AOX1: variants seen among roughly 807,000 people sequenced by gnomAD.
The protein encoded by AOX1 is aldehyde oxidase.
A neutral mutation model predicts 169.5 loss-of-function variants in AOX1; 153 were observed. The observed-to-expected ratio is 0.90, with a 90% confidence interval of 0.79 to 1.03. The LOEUF is 1.03. AOX1 is among the 50% of genes least tolerant of loss of function. The probability of loss-of-function intolerance (pLI) is 0.00; values close to 1 mark genes in which losing one functional copy is unlikely to be tolerated. For synonymous variants in AOX1, 562 were observed against 581.9 expected (o/e 0.97, Z 0.49); for missense variants, 1,656 against 1,663.9 (o/e 1.00, Z 0.08).
chr2:200,666,774 C>A (rs754643928), intron 32 of AOX1, 22 bp downstream of exon 32: 2 of 1,590,808 alleles, frequency 1.3e-6, no homozygotes, highest in South Asian at 1.1e-5. Flanking sequence ...TGATGTGTCT[C>A]ACTTTCTATT....
At chr2:200,624,754 A>G (rs1255659633) in intron 19 of AOX1, among the ~76,000 whole-genome samples, 2 of 152,250 alleles carry the variant, frequency 1.3e-5, no homozygotes, top group African/African-American at 2.4e-5. Context: ...ACTCATCTCC[A>G]TGAAATGATA....
In AOX1 at chr2:200,632,294, CACACATACATAT is replaced by C; in HGVS notation, c.2222-2483_2222-2472del. Among the ~76,000 whole-genome samples the C allele has an allele frequency of 1.4e-5, 2 of 147,254 alleles. 1 individual carries two copies. The highest frequency in any genetic ancestry group is 3.0e-5 in the Non-Finnish European group (2 of 67,192). On this transcript the variant is annotated intron_variant, in intron 20 of 34. Coordinates refer to ENST00000374700, the MANE Select transcript of AOX1 (RefSeq NM_001159.4). ...TTTAGTGGTAGCTCTAGATAGTTTA[CACACATACATAT>C]ACACATACATATATAAAATAAAATT...
At chr2:200,668,256 C>A (rs2035959624) in intron 32 of AOX1, among the ~76,000 whole-genome samples, 1 of 152,026 alleles carries the variant, frequency 6.6e-6, no homozygotes, top group Non-Finnish European at 1.5e-5. Context: ...TAGGCATGCA[C>A]CATCACACCC....
chr2:200,664,615 A>G (rs1002740040), intron 31 of AOX1, among the ~76,000 whole-genome samples: 2 of 152,244 alleles, frequency 1.3e-5, no homozygotes, highest in Admixed American at 6.5e-5. Flanking sequence ...GGGATGTGTC[A>G]TATAGCCTCA....
chr2:200,642,557 A>G lies in AOX1; in HGVS notation c.2656-53A>G, dbSNP rs1172007917. ...CCTGGTTTTGGTCTGAGGTCGTAGG[A>G]TGGTGAAACAGGTTCAGAAGATCTT... On this transcript the variant is annotated intron_variant, in intron 24 of 34. Coordinates refer to ENST00000374700, the MANE Select transcript of AOX1 (RefSeq NM_001159.4). The G allele has an allele frequency of 5.1e-6, 8 of 1,557,472 alleles. No homozygotes were observed. In the East Asian group the frequency reaches 1.8e-4, roughly 35 times the overall value.
chr2:200,652,194 T>A (rs2035592834), intron 26 of AOX1, among the ~76,000 whole-genome samples: 1 of 152,170 alleles, frequency 6.6e-6, no homozygotes, highest in African/African-American at 2.4e-5. Flanking sequence ...CCCATATCCA[T>A]CCATTCACCT....
intron 2 of AOX1, among the ~76,000 whole-genome samples, 179 bp downstream of exon 2, chr2:200,593,382 C>T (rs540765837): frequency 3.3e-5 from 5 of 152,134 alleles, no homozygotes; most frequent in East Asian, 3.9e-4. Context: ...CAAATGTGGC[C>T]GTCAGAAGAA....
At chr2:200,624,247 A>G (rs2034954420) in intron 19 of AOX1, among the ~76,000 whole-genome samples, 2 of 152,204 alleles carry the variant, frequency 1.3e-5, no homozygotes, top group Non-Finnish European at 1.5e-5. Context: ...TTCCTTGTTC[A>G]TGTTCAAGGA....
chr2:200,616,106 A>G, intron 16 of AOX1, 43 bp downstream of exon 16: 2 of 1,430,070 alleles, frequency 1.4e-6, no homozygotes, highest in Non-Finnish European at 2.0e-6. Flanking sequence ...AATCTGGGCT[A>G]TAGTGATTTG....
At chr2:200,593,292 A>G in intron 2 of AOX1, 89 bp downstream of exon 2, 1 of 1,041,864 alleles carries the variant, frequency 9.6e-7, no homozygotes, top group Non-Finnish European at 1.5e-6. Flanking sequence ...AATATACATT[A>G]GAGACACTGA....
intron 22 of AOX1, 93 bp from the exon 23 acceptor site, chr2:200,638,122 G>T (rs935307934): frequency 9.2e-7 from 1 of 1,086,106 alleles, no homozygotes; most frequent in African/African-American, 1.5e-5. Context: ...AGGCGTGTAG[G>T]CTCCACTCAG....
chr2:200,618,158 C>T (rs1435399407), intron 16 of AOX1, among the ~76,000 whole-genome samples: 3 of 152,086 alleles, frequency 2.0e-5, no homozygotes, highest in African/African-American at 7.2e-5. Context: ...GAGCCCTGGG[C>T]CAAGGTCTAA....
At position 200,668,697 on chromosome 2, in the gene AOX1, G is replaced by C. The variant is rs373230627; in HGVS notation, c.3692G>C (p.Arg1231Pro). ...NYSPQGILHT[R>P]GPDQYKIPAI... ...TCTCCCCAGGGCATTCTGCACACTCGTGGTCCAGACCAATATAAAATCCCT... is the reference window on the plus strand; with the variant it reads ...TCTCCCCAGGGCATTCTGCACACTCCTGGTCCAGACCAATATAAAATCCCT... Residue 1231 changes from arginine (R) to proline (P), a missense_variant, in exon 33 of 35, where the codon CGT (arginine) becomes CCT (proline). Arg to Pro is a moderately radical substitution (Grantham distance 103, BLOSUM62 -2). Transcript: ENST00000374700. 1 of 1,614,102 alleles carries C rather than the reference G, an allele frequency of 6.2e-7. No homozygotes were observed. The highest frequency in any genetic ancestry group is 1.7e-5 in the Admixed American group (1 of 60,012).
At chr2:200,639,156 T>G (rs186488664) in intron 23 of AOX1, among the ~76,000 whole-genome samples, 7 of 152,372 alleles carry the variant, frequency 4.6e-5, no homozygotes, top group Admixed American at 1.3e-4. Flanking sequence ...TCTGCCATAT[T>G]GGACAGTGCA....
At chr2:200,651,272 A>G (rs1213009773) in intron 26 of AOX1, 71 bp downstream of exon 26, 5 of 1,357,526 alleles carry the variant, frequency 3.7e-6, no homozygotes, top group Non-Finnish European at 5.2e-6. Context: ...TGTTGAGGAA[A>G]CTTCTCCTTA....
chr2:200,642,663 C>CT lies in AOX1; in HGVS notation c.2709_2710insT (p.Arg904SerfsTer45), dbSNP rs1029293197. ...ACAATGCTTACAAGTTTCCCAATCTCCGCTGCCGGGGTTGGGCATGCAGAA... is the reference window on the plus strand; with the variant it reads ...ACAATGCTTACAAGTTTCCCAATCTCTCGCTGCCGGGGTTGGGCATGCAGAA... On this transcript the variant is annotated frameshift_variant, in exon 25 of 35. Coordinates refer to ENST00000374700, the MANE Select transcript of AOX1 (RefSeq NM_001159.4). LOFTEE classifies it high-confidence loss of function. 6.2e-7 allele frequency: 1 copy of CT among 1,614,050 alleles called. No homozygotes were observed. Among genetic ancestry groups the CT allele is most frequent in the African/African-American group, 1.3e-5 (1 of 74,946 alleles).
At chr2:200,675,013 GCAGC>G (rs2036076973), downstream of AOX1, among the ~76,000 whole-genome samples, 1 of 152,204 alleles carries the variant, frequency 6.6e-6, no homozygotes. Flanking sequence ...CTGCTTCACA[GCAGC>G]CTGGGAGTGA....
chr2:200,634,974 A>G, intron 21 of AOX1, 59 bp downstream of exon 21: 2 of 1,589,998 alleles, frequency 1.3e-6, no homozygotes, highest in Non-Finnish European at 1.7e-6. Context: ...AGTGAAATAT[A>G]TCAAGAGCAA....
At chr2:200,675,353 TACTC>T (rs2036080885), downstream of AOX1, among the ~76,000 whole-genome samples, 2 of 152,156 alleles carry the variant, frequency 1.3e-5, no homozygotes, top group African/African-American at 2.4e-5. Flanking sequence ...TAAGTACAAA[TACTC>T]ACTAATTGTC....
Sources: gnomAD v4.1 joint callset for allele counts (sites outside exome capture counted in the v4.1 genomes callset) on GRCh38, gnomAD v4.1.1 for gene constraint, MANE v1.5 for transcripts, NCBI Gene and HGNC (gene_info 2026-07-23, HGNC 2026-07-21) for gene names.